KDM6A: variants seen among roughly 807,000 people sequenced by gnomAD.
KDM6A encodes lysine-specific demethylase 6A.
KDM6A carries 11 observed loss-of-function variants against 117.6 expected under a neutral mutation model. The ratio of observed to expected loss-of-function variants is 0.09; its 90% confidence interval spans 0.06 to 0.15. The LOEUF (loss-of-function observed/expected upper bound fraction) is 0.15, where lower values mean the gene tolerates loss of function less well. Among genes scored for constraint, KDM6A ranks in the 10% least tolerant of loss-of-function variants. The pLI is 1.00. For synonymous variants in KDM6A, 384 were observed against 396.1 expected (o/e 0.97, Z 0.36); for missense variants, 799 against 1,077.3 (o/e 0.74, Z 3.62).
At chrX:45,035,024 C>G (rs2147778154) in intron 7 of KDM6A, 39 bp downstream of exon 7, 2 of 971,348 alleles carry the variant, frequency 2.1e-6, no homozygotes, top group South Asian at 3.9e-5. Context: ...TACATGTATT[C>G]CGATCACTTC....
chrX:44,874,936 A>T (rs1366076071), intron 2 of KDM6A, among the ~76,000 whole-genome samples: 1 of 112,420 alleles, frequency 8.9e-6, no homozygotes, highest in Non-Finnish European at 1.9e-5. Context: ...TAAGCTTGGA[A>T]GCAGCATGCA....
At position 45,082,706 on chromosome X, in the gene KDM6A, T is replaced by C. The variant is rs1225162196; in HGVS notation, c.3366-9T>C. ...AGGCATGTTTCTAATACTGTGTCTC[T>C]TTTTTAAGTTCTGGGAGGAGGAGGA... On this transcript the variant is annotated splice_polypyrimidine_tract_variant and intron_variant, in intron 22 of 29. Transcript: ENST00000611820. The C allele has an allele frequency of 8.3e-7, 1 of 1,199,805 alleles. No individual in the cohort carries two copies. The highest frequency in any genetic ancestry group is 1.1e-6 in the Non-Finnish European group (1 of 884,869).
intron 3 of KDM6A, among the ~76,000 whole-genome samples, chrX:44,970,439 A>G (rs1228519642): frequency 1.8e-5 from 2 of 110,640 alleles, no homozygotes; most frequent in Non-Finnish European, 3.8e-5. Flanking sequence ...TTTTTTTGTA[A>G]CATCTTTTCA....
intron 17 of KDM6A, among the ~76,000 whole-genome samples, chrX:45,066,704 G>T (rs1355818141): frequency 9.0e-6 from 1 of 111,680 alleles, no homozygotes; most frequent in African/African-American, 3.3e-5. Flanking sequence ...CTACTTCTTT[G>T]GCTCACTTAG....
At chrX:44,958,081 C>T (rs1392167199) in intron 2 of KDM6A, among the ~76,000 whole-genome samples, 1 of 111,710 alleles carries the variant, frequency 9.0e-6, no homozygotes, top group Non-Finnish European at 1.9e-5. Flanking sequence ...CTGTTGATTG[C>T]TGATGCAACC....
intron 2 of KDM6A, among the ~76,000 whole-genome samples, chrX:44,959,176 G>A (rs776167995): frequency 2.7e-5 from 3 of 110,317 alleles, no homozygotes; most frequent in Non-Finnish European, 3.8e-5. Context: ...GACCACCAAC[G>A]TTGTTTGGTA....
At position 45,090,783 on chromosome X, in the gene KDM6A, CA is replaced by C. The variant is rs1315389362; in HGVS notation, c.3955del (p.Ile1319Ter). ...TGGAACAAATTGCAAAGTGTGAAGT[CA>C]ATAGTACCCATGGTTCATCTTTCCT... Reference protein sequence around the residue: ...YEWNKLQSVKSIVPMVHLSWN... With the variant: ...YEWNKLQSVKXIVPMVHLSWN... On this transcript the variant is annotated frameshift_variant, in exon 27 of 30. Coordinates refer to ENST00000611820, the MANE Select transcript of KDM6A (RefSeq NM_001291415.2). LOFTEE classifies it high-confidence loss of function. The C allele has an allele frequency of 8.3e-7, 1 of 1,207,283 alleles. No homozygotes were observed. The highest frequency in any genetic ancestry group is 3.0e-5 in the East Asian group (1 of 33,755).
At position 44,973,048 on chromosome X, in the gene KDM6A, T is replaced by G. The variant is rs763316130; in HGVS notation, c.335-1618T>G. Among the ~76,000 whole-genome samples, 33 of 103,001 alleles carry G rather than the reference T, an allele frequency of 3.2e-4. 1 individual carries two copies. In the South Asian group the frequency reaches 0.013, roughly 40 times the overall value. 89.4% of individuals were successfully genotyped at this position (103,001 alleles called of 115,157 possible). On this transcript the variant is annotated intron_variant, in intron 3 of 29. Transcript: ENST00000611820. ...AGACCCCATCTCAAAAAAAAAAAAG[T>G]AAATCAAAGCAGAACACTTAACACT...
intron 27 of KDM6A, among the ~76,000 whole-genome samples, chrX:45,098,694 G>A (rs2046212680): frequency 8.9e-6 from 1 of 112,071 alleles, no homozygotes; most frequent in African/African-American, 3.2e-5. Context: ...CCCTCAGCTG[G>A]CTGATAGGCA....
At chrX:45,058,488 T>C (rs2044171893) in intron 10 of KDM6A, among the ~76,000 whole-genome samples, 1 of 111,495 alleles carries the variant, frequency 9.0e-6, no homozygotes, top group African/African-American at 3.2e-5. Flanking sequence ...TAGTTTGAGA[T>C]TAACTATGTC....
At chrX:44,988,792 G>A (rs1307865170) in intron 4 of KDM6A, among the ~76,000 whole-genome samples, 3 of 110,583 alleles carry the variant, frequency 2.7e-5, no homozygotes, top group East Asian at 2.9e-4. Context: ...AGGAGTACCC[G>A]GTCATGTGAG....
chrX:45,015,118 C>T (rs919649114), intron 5 of KDM6A, among the ~76,000 whole-genome samples: 16 of 103,437 alleles, frequency 1.5e-4, no homozygotes, highest in Non-Finnish European at 2.8e-4. Flanking sequence ...TCTTTTTTTT[C>T]TGAGACAGGA....
At chrX:44,972,560 G>A (rs2039408905) in intron 3 of KDM6A, among the ~76,000 whole-genome samples, 1 of 111,540 alleles carries the variant, frequency 9.0e-6, no homozygotes, top group Non-Finnish European at 1.9e-5. Context: ...AGATTTTAGC[G>A]TTATAATGTG....
chrX:45,063,412 T>C lies in KDM6A; in HGVS notation c.1684-10T>C, dbSNP rs778306604. ...AACCAGCATTTACTTTTCCTTTGTT[T>C]TTTTGACAGATGAGACCAACAGGAG... On this transcript the variant is annotated splice_polypyrimidine_tract_variant and intron_variant, in intron 16 of 29. Transcript: ENST00000611820. 1 of 1,201,834 alleles carries C rather than the reference T, an allele frequency of 8.3e-7. No homozygotes were observed. Among genetic ancestry groups the C allele is most frequent in the East Asian group, 3.0e-5 (1 of 33,830 alleles).
intron 8 of KDM6A, among the ~76,000 whole-genome samples, chrX:45,043,365 TTAA>T (rs1249439260): frequency 1.8e-5 from 2 of 111,995 alleles, no homozygotes; most frequent in Non-Finnish European, 3.8e-5. Context: ...TTTGTTGAAT[TTAA>T]TAATAGGCAT....
chrX:45,065,067 C>T (rs931620437), intron 17 of KDM6A, among the ~76,000 whole-genome samples: 1 of 112,078 alleles, frequency 8.9e-6, no homozygotes, highest in Non-Finnish European at 1.9e-5. Flanking sequence ...AAGGGAACAG[C>T]AGAATACTAG....
At chrX:45,057,771 G>T (rs1043189595) in intron 10 of KDM6A, among the ~76,000 whole-genome samples, 13 of 110,730 alleles carry the variant, frequency 1.2e-4, no homozygotes, top group Non-Finnish European at 2.5e-4. Context: ...CGAATCAGTG[G>T]TTCCTAGAAT....
chrX:44,929,908 G>C (rs909153026), intron 2 of KDM6A, among the ~76,000 whole-genome samples: 1 of 110,889 alleles, frequency 9.0e-6, no homozygotes, highest in African/African-American at 3.3e-5. Flanking sequence ...TGTCATTGGG[G>C]CTGGTTGTAC....
chrX:44,985,721 G>T lies in KDM6A; in HGVS notation c.384+11006G>T, dbSNP rs767872171. On this transcript the variant is annotated intron_variant, in intron 4 of 29. Transcript: ENST00000611820. ...TATGCTGGGTTACGTTTACTCATTT[G>T]CGTATGTTGAACCAGCCTTGCATCC... 1.3e-4 allele frequency among the ~76,000 whole-genome samples: 14 copies of T among 111,886 alleles called. No homozygotes were observed. In the South Asian group the frequency reaches 4.9e-3, roughly 39 times the overall value.
Sources: allele counts gnomAD v4.1 joint callset (sites outside exome capture counted in the v4.1 genomes callset), GRCh38; gene constraint gnomAD v4.1.1; transcripts MANE v1.5; gene names NCBI Gene and HGNC (gene_info 2026-07-23, HGNC 2026-07-21).